The following SLC17A8 variants were observed in gnomAD, a reference collection of about 807,000 sequenced individuals.
SLC17A8 encodes solute carrier family 17 member 8.
SLC17A8 carries 31 observed loss-of-function variants against 58.0 expected under a neutral mutation model. The ratio of observed to expected loss-of-function variants is 0.53; its 90% confidence interval spans 0.40 to 0.72. SLC17A8 has a LOEUF of 0.72. Among genes scored for constraint, SLC17A8 ranks in the 30% least tolerant of loss-of-function variants. The pLI is 0.00. For missense variants in SLC17A8, 655 were observed against 727.8 expected, an observed-to-expected ratio of 0.90 and a Z score of 1.15; for synonymous variants, 228 against 249.0, an observed-to-expected ratio of 0.92 and a Z score of 0.79.
chr12:100,359,627 A>G (rs1952471561), intron 1 of SLC17A8, among the ~76,000 whole-genome samples: 1 of 152,166 alleles, frequency 6.6e-6, no homozygotes, highest in African/African-American at 2.4e-5. Flanking sequence ...TCAGTGATCT[A>G]TAGAGAGAAA....
chr12:100,378,754 C>A lies in SLC17A8; in HGVS notation c.102-1947C>A, dbSNP rs1048345180. 9.9e-5 allele frequency among the ~76,000 whole-genome samples: 15 copies of A among 152,054 alleles called. 1 individual carries two copies. Among genetic ancestry groups the A allele is most frequent in the African/African-American group, 3.4e-4 (14 of 41,462 alleles). ...AGACCCCATCAGTATAAATGCAGGC[C>A]GGCAGGTAGGTAGGTACATTGGTAG... On this transcript the variant is annotated intron_variant, in intron 1 of 11. Transcript: ENST00000323346.
chr12:100,377,880 G>A (rs980661336), intron 1 of SLC17A8, among the ~76,000 whole-genome samples: 3 of 152,122 alleles, frequency 2.0e-5, no homozygotes, highest in Non-Finnish European at 2.9e-5. Context: ...GAGCCACCGC[G>A]CCCAGCCTGA....
chr12:100,358,596 G>C (rs1952463762), intron 1 of SLC17A8, among the ~76,000 whole-genome samples: 1 of 152,104 alleles, frequency 6.6e-6, no homozygotes, highest in Non-Finnish European at 1.5e-5. Flanking sequence ...GCTTCAATCA[G>C]ACCTACACTG....
chr12:100,413,485 T>C (rs1335848495), intron 10 of SLC17A8, among the ~76,000 whole-genome samples: 4 of 152,134 alleles, frequency 2.6e-5, no homozygotes, highest in African/African-American at 9.7e-5. Context: ...GAGATCTGCA[T>C]ATATTAAGCC....
chr12:100,401,787 A>T lies in SLC17A8; in HGVS notation c.687A>T (p.Ala229=). ...CTTTTCTTGTTCCAGGTTCCTATGC[A>T]GGGGCAGTGGTTGCCATGCCCCTGG... is the stretch of plus-strand genomic sequence containing the variant. ...LATTSFCGSY[A]GAVVAMPLAG... Residue 229 remains alanine, a synonymous_variant, in exon 6 of 12, where the codon GCA becomes GCT. Coordinates refer to ENST00000323346, the MANE Select transcript of SLC17A8 (RefSeq NM_139319.3). 1 of 1,613,642 alleles carries T rather than the reference A, an allele frequency of 6.2e-7. No homozygotes were observed. Among genetic ancestry groups the T allele is most frequent in the Non-Finnish European group, 8.5e-7 (1 of 1,179,586 alleles).
chr12:100,413,693 T>C (rs192576636), intron 10 of SLC17A8, among the ~76,000 whole-genome samples: 216 of 152,334 alleles, frequency 1.4e-3, no homozygotes, highest in African/African-American at 5.0e-3. Flanking sequence ...ATATGGTTAC[T>C]GGCCGGGTGC....
chr12:100,372,847 G>A (rs946072661), intron 1 of SLC17A8, among the ~76,000 whole-genome samples: 19 of 152,136 alleles, frequency 1.2e-4, no homozygotes, highest in African/African-American at 4.6e-4. Flanking sequence ...TTGCAGGCGT[G>A]AGCCACCACG....
At chr12:100,408,916 G>A (rs952285876) in intron 9 of SLC17A8, among the ~76,000 whole-genome samples, 4 of 152,136 alleles carry the variant, frequency 2.6e-5, no homozygotes, top group African/African-American at 9.7e-5. Flanking sequence ...ATGATATAAA[G>A]CCTATAGTTT....
chr12:100,385,493 C>T (rs1952668146), intron 2 of SLC17A8, among the ~76,000 whole-genome samples: 1 of 152,096 alleles, frequency 6.6e-6, no homozygotes, highest in African/African-American at 2.4e-5. Flanking sequence ...CCACCCCGGC[C>T]TCCCAAAGTG....
Position 100,418,034 on chromosome 12 carries a change from A to C in SLC17A8, c.1303A>C (p.Asn435His), listed in dbSNP as rs1952918882. ...GFSGFAISGF[N>H]VNHLDIAPRY... ...AGGTTTTGGCTTCACTGTAGGTTTT[A>C]ATGTCAACCACCTGGACATTGCCCC... Residue 435 changes from asparagine to histidine, a missense_variant, in exon 11 of 12, where the codon AAT (asparagine) becomes CAT (histidine). Transcript: ENST00000323346. 1 of 1,614,198 alleles carries C rather than the reference A, an allele frequency of 6.2e-7. No individual in the cohort carries two copies. The highest frequency in any genetic ancestry group is 8.5e-7 in the Non-Finnish European group (1 of 1,180,030).
At position 100,420,006 on chromosome 12, in the gene SLC17A8, T is replaced by C. The variant is rs1952936852; in HGVS notation, c.1617T>C (p.Phe539=). 1 of 1,613,902 alleles carries C rather than the reference T, an allele frequency of 6.2e-7. No homozygotes were observed. Among genetic ancestry groups the C allele is most frequent in the Non-Finnish European group, 8.5e-7 (1 of 1,179,960 alleles). The stretch of plus-strand genomic sequence containing the variant: ...AGATAGAACTCAACCATGAGAGTTT[T>C]GCGAGTCCCAAAAAGAAGATGTCTT... The part of the protein sequence containing the change: ...AEEIELNHES[F]ASPKKKMSYG... Residue 539 remains phenylalanine, a synonymous_variant, in exon 12 of 12, where the codon TTT becomes TTC. Transcript: ENST00000323346.
Position 100,420,297 on chromosome 12 carries a change from A to T in SLC17A8, c.*138A>T. 1 of 677,674 alleles carries T rather than the reference A, an allele frequency of 1.5e-6. No homozygotes were observed. The highest frequency in any genetic ancestry group is 2.6e-6 in the Non-Finnish European group (1 of 388,424). 42.0% of individuals were successfully genotyped at this position (677,674 alleles called of 1,614,324 possible). Reference sequence around the variant, plus strand: ...ATCTAACCAGCAACAGGGAAAAGAGAAATATTATCTTTCAATGACATGTAT... The same window carrying T: ...ATCTAACCAGCAACAGGGAAAAGAGTAATATTATCTTTCAATGACATGTAT... On this transcript the variant is annotated 3_prime_UTR_variant, in exon 12 of 12. Transcript: ENST00000323346.
Position 100,404,165 on chromosome 12 carries a change from G to C in SLC17A8, c.1181G>C (p.Cys394Ser). The C allele has an allele frequency of 6.2e-7, 1 of 1,614,164 alleles. No homozygotes were observed. Among genetic ancestry groups the C allele is most frequent in the South Asian group, 1.1e-5 (1 of 91,090 alleles). ...TTTAVRKIMN[C>S]GGFGMEATLL... is the part of the protein sequence containing the mutation. ...ACTGCTGTCAGAAAAATCATGAACT[G>C]TGGAGGTACTGTGGATTTCATAGAT... is the stretch of plus-strand genomic sequence containing the variant. Residue 394 changes from cysteine to serine, a missense_variant, in exon 9 of 12, where the codon TGT (cysteine) becomes TCT (serine). By Grantham distance (112) the Cys-to-Ser change is moderately radical (BLOSUM62 -1). Transcript: ENST00000323346.
chr12:100,418,664 C>G (rs1256906996), intron 11 of SLC17A8, among the ~76,000 whole-genome samples: 1 of 152,214 alleles, frequency 6.6e-6, no homozygotes, highest in Non-Finnish European at 1.5e-5. Context: ...ATGGTAGAGG[C>G]AGATCCATCC....
intron 1 of SLC17A8, among the ~76,000 whole-genome samples, chr12:100,379,481 C>T (rs1239269754): frequency 6.7e-6 from 1 of 148,972 alleles, no homozygotes; most frequent in Admixed American, 6.7e-5. Context: ...TTCATATGAA[C>T]TTGTGGGCAA....
At chr12:100,419,083 G>A (rs1236533617) in intron 11 of SLC17A8, among the ~76,000 whole-genome samples, 1 of 152,016 alleles carries the variant, frequency 6.6e-6, no homozygotes, top group Non-Finnish European at 1.5e-5. Flanking sequence ...GAACTTTAAT[G>A]GCTCAAATAT....
intron 11 of SLC17A8, among the ~76,000 whole-genome samples, chr12:100,419,102 A>C (rs1426000153): frequency 6.6e-6 from 1 of 152,214 alleles, no homozygotes; most frequent in African/African-American, 2.4e-5. Flanking sequence ...ATTGTTATGT[A>C]TCCAACAACA....
rs550446511 is a variant in SLC17A8 at position 100,383,307 on chromosome 12, C to T, written c.354+2354C>T. On this transcript the variant is annotated intron_variant, in intron 2 of 11. Coordinates refer to ENST00000323346, the MANE Select transcript of SLC17A8 (RefSeq NM_139319.3). ...GCGCTCTCTAGTTTCTACGGCTGTG[C>T]CCTCTGGAGTCTTAGAGAAACTGAT... Among the ~76,000 whole-genome samples the T allele has an allele frequency of 5.0e-4, 76 of 152,168 alleles. 1 individual carries two copies. Among genetic ancestry groups the T allele is most frequent in the Non-Finnish European group, 9.8e-4 (67 of 68,038 alleles).
rs144949912 is a variant in SLC17A8, at chr12:100,396,308, C to T, written c.589-22C>T. On this transcript the variant is annotated intron_variant, in intron 4 of 11. Coordinates refer to ENST00000323346, the MANE Select transcript of SLC17A8 (RefSeq NM_139319.3). The stretch of plus-strand genomic sequence containing the variant: ...AGAAACTACAGTCAAATCAACTAAT[C>T]TATTTTCAACTCTTCTGCCAGGGTG... 1.0e-4 allele frequency: 161 copies of T among 1,588,774 alleles called. No individual in the cohort carries two copies. In the African/African-American group the frequency reaches 1.9e-3, roughly 19 times the overall value.
Sources: gnomAD v4.1 joint callset for allele counts (sites outside exome capture counted in the v4.1 genomes callset) on GRCh38, gnomAD v4.1.1 for gene constraint, MANE v1.5 for transcripts, NCBI Gene and HGNC (gene_info 2026-07-23, HGNC 2026-07-21) for gene names.